The following WDTC1 variants were observed in gnomAD, a reference collection of about 807,000 sequenced individuals.
WDTC1 encodes the protein WD and tetratricopeptide repeats 1.
A neutral mutation model predicts 76.0 loss-of-function variants in WDTC1; 12 were observed. That is an observed-to-expected ratio of 0.16 (90% CI 0.10 to 0.26). The LOEUF is 0.26. Ranked by LOEUF, WDTC1 falls within the 10% of genes least tolerant of loss-of-function variation. The pLI is 1.00. For synonymous variants in WDTC1, 326 were observed against 350.8 expected, an observed-to-expected ratio of 0.93 and a Z score of 0.79; for missense variants, 511 against 908.8, an observed-to-expected ratio of 0.56 and a Z score of 5.63.
intron 12 of WDTC1, among the ~76,000 whole-genome samples, chr1:27,300,835 C>T (rs753223177): frequency 2.6e-5 from 4 of 152,110 alleles, no homozygotes; most frequent in Non-Finnish European, 2.9e-5. Context: ...GAAGGCCAGC[C>T]GGGGGTGATT....
chr1:27,262,818 G>A (rs2012524488), intron 2 of WDTC1, among the ~76,000 whole-genome samples: 1 of 151,436 alleles, frequency 6.6e-6, no homozygotes, highest in Non-Finnish European at 1.5e-5. Flanking sequence ...TTCCCTTTGT[G>A]TGCAATATGT....
At chr1:27,242,687 T>C (rs112179176) in intron 1 of WDTC1, among the ~76,000 whole-genome samples, 229 of 152,236 alleles carry the variant, frequency 1.5e-3, no homozygotes, top group Middle Eastern at 3.4e-3. Flanking sequence ...CAGGCTGGCC[T>C]CAAACTCCTG....
chr1:27,273,315 T>G (rs2012927535), intron 3 of WDTC1, among the ~76,000 whole-genome samples: 1 of 150,680 alleles, frequency 6.6e-6, no homozygotes, highest in African/African-American at 2.4e-5. Flanking sequence ...TTCACGCCAT[T>G]CTCCTGCCTC....
chr1:27,289,168 C>T (rs2013445577), intron 6 of WDTC1, among the ~76,000 whole-genome samples: 2 of 148,074 alleles, frequency 1.4e-5, no homozygotes, highest in Non-Finnish European at 3.0e-5. Context: ...GGCAGAGGCG[C>T]CCCTCACCTC....
chr1:27,292,410 C>A lies in WDTC1; in HGVS notation c.662+13C>A. 1 of 1,542,820 alleles carries A rather than the reference C, an allele frequency of 6.5e-7. No homozygotes were observed. Among genetic ancestry groups the A allele is most frequent in the Non-Finnish European group, 8.8e-7 (1 of 1,138,932 alleles). ...TCCATAACCACAGGTATGAATAGTTCAGCCTCCTGTCTCCTGTGAGTAAGT... is the reference window on the plus strand; with the variant it reads ...TCCATAACCACAGGTATGAATAGTTAAGCCTCCTGTCTCCTGTGAGTAAGT... On this transcript the variant is annotated intron_variant, in intron 7 of 15. Transcript: ENST00000319394.
chr1:27,303,970 C>A lies in WDTC1; in HGVS notation c.1643+175C>A. On this transcript the variant is annotated intron_variant, in intron 14 of 15. Transcript: ENST00000319394. The surrounding 1 kb of genome is among the most constrained non-coding windows in gnomAD (Gnocchi z 4.8). ...AAAGTTTTTTAATCTATGAAATGAC[C>A]AACCTGCCATGCCCATTTATGAGGC... 1.3e-6 allele frequency: 1 copy of A among 789,260 alleles called. No homozygotes were observed. The highest frequency in any genetic ancestry group is 2.0e-6 in the Non-Finnish European group (1 of 508,194). 48.9% of individuals were successfully genotyped at this position (789,260 alleles called of 1,614,324 possible).
chr1:27,254,513 G>A (rs1473376352), intron 1 of WDTC1, among the ~76,000 whole-genome samples: 1 of 151,976 alleles, frequency 6.6e-6, no homozygotes, highest in Non-Finnish European at 1.5e-5. Flanking sequence ...GCACGGAACC[G>A]CTTGAACCTG....
chr1:27,289,769 G>A (rs1377657363), intron 6 of WDTC1, among the ~76,000 whole-genome samples: 11 of 151,936 alleles, frequency 7.2e-5, no homozygotes, highest in Admixed American at 3.3e-4. Context: ...GATCACTCGC[G>A]GTTAGGAGCT....
chr1:27,269,589 ATTTTTTTTTGTTTTTTGTTTT>A (rs1281952153), intron 3 of WDTC1, among the ~76,000 whole-genome samples: 8 of 117,962 alleles, frequency 6.8e-5, no homozygotes, highest in African/African-American at 2.4e-4. Flanking sequence ...ACATGATCAG[ATTTTTTTTTGTTTTTTGTTTT>A]TTTTTTTTCG....
rs766490591 is a variant in WDTC1 at position 27,303,603 on chromosome 1, C to G, written c.1469-18C>G. ...GAAAGGAACAAGGCGCTTACCTTTTCTGGATCTCTGCCCCCAGAGGAGAAG... is the reference window on the plus strand; with the variant it reads ...GAAAGGAACAAGGCGCTTACCTTTTGTGGATCTCTGCCCCCAGAGGAGAAG... On this transcript the variant is annotated intron_variant, in intron 13 of 15. Coordinates refer to ENST00000319394, the MANE Select transcript of WDTC1 (RefSeq NM_001276252.2). This position sits in a 1 kb window ranked among gnomAD's most constrained non-coding sequence, Gnocchi z 4.8. 3 of 1,571,516 alleles carry G rather than the reference C, an allele frequency of 1.9e-6. No individual in the cohort carries two copies. The highest frequency in any genetic ancestry group is 4.2e-5 in the Admixed American group (2 of 48,020).
At chr1:27,295,016 TG>T (rs887898239) in intron 9 of WDTC1, among the ~76,000 whole-genome samples, 4 of 152,198 alleles carry the variant, frequency 2.6e-5, no homozygotes, top group Non-Finnish European at 2.9e-5. Context: ...AGGAAATCCC[TG>T]GGGCTCAGAG....
At chr1:27,238,048 A>G (rs1002898362) in intron 1 of WDTC1, among the ~76,000 whole-genome samples, 5 of 152,178 alleles carry the variant, frequency 3.3e-5, no homozygotes, top group Admixed American at 1.3e-4. Context: ...TGTAACCTTC[A>G]TGACTGTCCT....
At chr1:27,242,477 T>A (rs2011659404) in intron 1 of WDTC1, among the ~76,000 whole-genome samples, 1 of 151,712 alleles carries the variant, frequency 6.6e-6, no homozygotes, top group Admixed American at 6.6e-5. Context: ...TCTCTTTTTT[T>A]TTTGAGACGG....
intron 1 of WDTC1, among the ~76,000 whole-genome samples, chr1:27,248,013 C>T (rs2011909237): frequency 6.6e-6 from 1 of 152,210 alleles, no homozygotes; most frequent in African/African-American, 2.4e-5. Flanking sequence ...CCACTGTGCC[C>T]AGCCTGTACC....
At chr1:27,283,573 A>G in intron 5 of WDTC1, 124 bp downstream of exon 5, 1 of 747,804 alleles carries the variant, frequency 1.3e-6, no homozygotes, top group Non-Finnish European at 2.2e-6. Context: ...AGACAACCTT[A>G]TGATCTAAGT....
At chr1:27,283,274 A>G in intron 4 of WDTC1, 64 bp from the exon 5 acceptor site, 1 of 1,443,092 alleles carries the variant, frequency 6.9e-7, no homozygotes. Context: ...AACTGAGAAC[A>G]TGGGATGGGG....
intron 1 of WDTC1, among the ~76,000 whole-genome samples, chr1:27,258,792 A>C (rs2012375324): frequency 6.6e-6 from 1 of 152,222 alleles, no homozygotes; most frequent in South Asian, 2.1e-4. Context: ...GAGTCTGCTC[A>C]CAGATCAGGT....
intron 6 of WDTC1, among the ~76,000 whole-genome samples, chr1:27,288,562 A>G (rs2013412901): frequency 6.6e-6 from 1 of 151,786 alleles, no homozygotes; most frequent in Non-Finnish European, 1.5e-5. Context: ...CTTAATGAGC[A>G]TGCTGCCTTC....
chr1:27,285,500 C>T (rs1447156031), intron 5 of WDTC1, among the ~76,000 whole-genome samples: 1 of 151,934 alleles, frequency 6.6e-6, no homozygotes, highest in Non-Finnish European at 1.5e-5. Context: ...AGGAACTTTT[C>T]AATTTTAAAA....
Sources: allele counts gnomAD v4.1 joint callset (sites outside exome capture counted in the v4.1 genomes callset), GRCh38; gene constraint gnomAD v4.1.1; non-coding constraint Gnocchi (gnomAD v3.1); transcripts MANE v1.5; gene names NCBI Gene and HGNC (gene_info 2026-07-23, HGNC 2026-07-21).